ENTPD5: variants seen among roughly 807,000 people sequenced by gnomAD.
ENTPD5 encodes ectonucleoside triphosphate diphosphohydrolase 5 (inactive), also known as nucleoside diphosphate phosphatase ENTPD5.
In ENTPD5, 49 loss-of-function variants were observed where a neutral mutation model predicts 60.2. The observed-to-expected ratio is 0.81, with a 90% confidence interval of 0.65 to 1.03. ENTPD5 has a LOEUF of 1.03. Among genes scored for constraint, ENTPD5 ranks in the 50% least tolerant of loss-of-function variants. The pLI, the probability that ENTPD5 is intolerant of heterozygous loss-of-function variation, is 0.00. For synonymous variants in ENTPD5, 187 were observed against 185.4 expected (o/e 1.01, Z -0.07); for missense variants, 480 against 507.6 (o/e 0.95, Z 0.52).
Position 73,964,302 on chromosome 14 carries a change from G to C in ENTPD5, c.*2626C>G, listed in dbSNP as rs931832859. 1 of 152,186 alleles carries C rather than the reference G, an allele frequency of 6.6e-6. No individual in the cohort carries two copies. Among genetic ancestry groups the C allele is most frequent in the African/African-American group, 2.4e-5 (1 of 41,462 alleles). The allele number at this position is 152,186 out of a possible 1,614,324, so 9.4% of individuals were successfully genotyped here. A position where few individuals can be genotyped will look rare whatever the true frequency, so the allele number is the denominator to read the frequency against. ...CACATCTACAAAGAGGAAACTATTA[G>C]AATCTGTAGGACCTCTTAAGCCCAA... On this transcript the variant is annotated 3_prime_UTR_variant, in exon 16 of 16. Transcript: ENST00000334696.
chr14:73,975,317 C>T (rs929019187), intron 10 of ENTPD5, among the ~76,000 whole-genome samples: 1 of 152,034 alleles, frequency 6.6e-6, no homozygotes, highest in Non-Finnish European at 1.5e-5. Context: ...GGATTCTGAA[C>T]CTCTGAAGGC....
At chr14:74,009,122 T>C (rs2058767429) in intron 3 of ENTPD5, 1 of 151,980 alleles carries the variant, frequency 6.6e-6, no homozygotes, top group African/African-American at 2.4e-5. Context: ...AGGAAAGCTG[T>C]TGCTATTGTT....
intron 14 of ENTPD5, among the ~76,000 whole-genome samples, chr14:73,970,362 T>C (rs759098742): frequency 6.6e-6 from 1 of 151,858 alleles, no homozygotes; most frequent in South Asian, 2.1e-4. Flanking sequence ...CGTGGTGGTG[T>C]ACCGCTGTAA....
chr14:73,993,327 C>A (rs548604800), intron 3 of ENTPD5, among the ~76,000 whole-genome samples: 1 of 152,244 alleles, frequency 6.6e-6, no homozygotes, highest in Non-Finnish European at 1.5e-5. Context: ...CAGAGTGAGA[C>A]CCTGTCTCAA....
chr14:73,961,850 G>A (rs573469037), downstream of ENTPD5: 2 of 1,614,192 alleles, frequency 1.2e-6, no homozygotes, highest in Non-Finnish European at 8.5e-7. Flanking sequence ...CTCCCCGCTT[G>A]TGTTGCTCAG....
At chr14:73,988,918 G>C (rs1004681554) in intron 3 of ENTPD5, among the ~76,000 whole-genome samples, 9 of 152,064 alleles carry the variant, frequency 5.9e-5, no homozygotes, top group Middle Eastern at 3.2e-3. Flanking sequence ...CTGCCTCCCG[G>C]GTTCATGTGA....
At chr14:73,971,687 C>T (rs1452107497) in intron 14 of ENTPD5, among the ~76,000 whole-genome samples, 165 bp downstream of exon 14, 1 of 152,028 alleles carries the variant, frequency 6.6e-6, no homozygotes, top group Non-Finnish European at 1.5e-5. Context: ...TGCCTGGCTA[C>T]CACCCAATGC....
chr14:73,975,867 G>A, intron 10 of ENTPD5, 69 bp downstream of exon 10: 1 of 1,315,248 alleles, frequency 7.6e-7, no homozygotes, highest in Non-Finnish European at 1.1e-6. Context: ...TAACAGATTT[G>A]AGAATGCTTT....
chr14:73,981,807 C>CAA (rs56117033), intron 6 of ENTPD5, among the ~76,000 whole-genome samples: 2 of 124,808 alleles, frequency 1.6e-5, no homozygotes, highest in African/African-American at 3.2e-5. Flanking sequence ...ACTCTGTTTC[C>CAA]AAAAAAAAAA....
At chr14:73,962,979 A>C, downstream of ENTPD5, 1 of 1,609,590 alleles carries the variant, frequency 6.2e-7, no homozygotes, top group Non-Finnish European at 8.5e-7. Flanking sequence ...GGAACAGATT[A>C]TGGCCTTTGC....
downstream of ENTPD5, among the ~76,000 whole-genome samples, chr14:73,957,038 T>G (rs2056466239): frequency 6.6e-6 from 1 of 152,084 alleles, no homozygotes; most frequent in Non-Finnish European, 1.5e-5. Flanking sequence ...AGGGTGATTT[T>G]TCTCCACTTG....
intron 2 of ENTPD5, among the ~76,000 whole-genome samples, chr14:74,015,357 C>A: frequency 1.2e-5 from 1 of 85,894 alleles, no homozygotes; most frequent in Admixed American, 2.0e-4. Flanking sequence ...TACCCACCCC[C>A]CGCCCCCCCT....
At chr14:74,007,027 A>G (rs912574833) in intron 3 of ENTPD5, among the ~76,000 whole-genome samples, 2 of 152,226 alleles carry the variant, frequency 1.3e-5, no homozygotes, top group Admixed American at 6.5e-5. Context: ...ACAGAATGAA[A>G]GAAAATACTT....
chr14:73,991,930 T>TGAA (rs2058152589), intron 3 of ENTPD5, among the ~76,000 whole-genome samples: 1 of 150,834 alleles, frequency 6.6e-6, no homozygotes. Context: ...ACCCGGGAGG[T>TGAA]GAAGGGTGCA....
At chr14:74,006,926 AAAT>A (rs768550819) in intron 3 of ENTPD5, among the ~76,000 whole-genome samples, 1 of 152,210 alleles carries the variant, frequency 6.6e-6, no homozygotes, top group Non-Finnish European at 1.5e-5. Flanking sequence ...AGTAGGAAGA[AAAT>A]AAATGAGTCA....
intron 3 of ENTPD5, among the ~76,000 whole-genome samples, chr14:73,999,512 T>C (rs1416772594): frequency 7.6e-6 from 1 of 131,052 alleles, no homozygotes; most frequent in African/African-American, 3.0e-5. Context: ...AAAACAAAGG[T>C]AGGCCGGGCA....
At chr14:74,011,192 CTT>C (rs1252651977) in intron 2 of ENTPD5, 42 bp from the exon 3 acceptor site, 3 of 519,918 alleles carry the variant, frequency 5.8e-6, no homozygotes, top group Non-Finnish European at 7.4e-6. Context: ...ACAGTTTCCT[CTT>C]TTTCTCTGCT....
At chr14:73,979,661 C>T (rs945394781) in intron 6 of ENTPD5, among the ~76,000 whole-genome samples, 4 of 151,964 alleles carry the variant, frequency 2.6e-5, no homozygotes, top group East Asian at 3.9e-4. Flanking sequence ...TTAGTAGAGA[C>T]GGGGTTTCAC....
At chr14:73,961,954 T>C (rs759837082), downstream of ENTPD5, 1 of 1,603,592 alleles carries the variant, frequency 6.2e-7, no homozygotes. Flanking sequence ...TAATTTCTTT[T>C]GCTTTTTTTT....
Sources: allele counts gnomAD v4.1 joint callset (sites outside exome capture counted in the v4.1 genomes callset), GRCh38; gene constraint gnomAD v4.1.1; transcripts MANE v1.5; gene names NCBI Gene and HGNC (gene_info 2026-07-23, HGNC 2026-07-21).